The following TGM2 variants were observed in gnomAD, a reference collection of about 807,000 sequenced individuals.
TGM2 encodes protein-glutamine gamma-glutamyltransferase 2.
In TGM2, 53 loss-of-function variants were observed where a neutral mutation model predicts 75.6. The ratio of observed to expected loss-of-function variants is 0.70; its 90% CI spans 0.56 to 0.88. The LOEUF (loss-of-function observed/expected upper bound fraction) is 0.88. TGM2 is among the 40% of genes least tolerant of loss of function. TGM2 has a pLI of 0.00. For synonymous variants in TGM2, 374 were observed against 381.1 expected (o/e 0.98, Z 0.22); for missense variants, 842 against 928.5 (o/e 0.91, Z 1.21).
In TGM2 at chr20:38,138,393, G is replaced by A. The variant is rs369440407; in HGVS notation, c.1343-8C>T. 2.0e-5 allele frequency: 33 copies of A among 1,613,674 alleles called. No individual in the cohort carries two copies. Among genetic ancestry groups the A allele is most frequent in the Non-Finnish European group, 2.7e-5 (32 of 1,180,028 alleles). On this transcript the variant is annotated splice_polypyrimidine_tract_variant and splice_region_variant and intron_variant, in intron 9 of 12. Coordinates refer to ENST00000361475, the MANE Select transcript of TGM2 (RefSeq NM_004613.4). ...CCCTCTCCTCTGAGGACCCTGTAGGGGTTGAGAAGAGAGCCTCAATCACAG... is the reference window on the plus strand; with the variant it reads ...CCCTCTCCTCTGAGGACCCTGTAGGAGTTGAGAAGAGAGCCTCAATCACAG...
chr20:38,132,294 C>T lies in TGM2; in HGVS notation c.1776+46G>A, dbSNP rs538142291. ...GGGTAGGGATCTGCCCTCTCCCCAG[C>T]GCTGAGCTGCCCTGGGACCCTGCCC... On this transcript the variant is annotated intron_variant, in intron 11 of 12. Coordinates refer to ENST00000361475, the MANE Select transcript of TGM2 (RefSeq NM_004613.4). 4.3e-5 allele frequency: 70 copies of T among 1,610,224 alleles called. No homozygotes were observed. In the Middle Eastern group the frequency reaches 8.5e-4, roughly 20 times the overall value.
intron 6 of TGM2, among the ~76,000 whole-genome samples, chr20:38,143,918 T>C (rs967407993): frequency 6.6e-6 from 1 of 152,098 alleles, no homozygotes. Flanking sequence ...AGGAGATTTG[T>C]AGGAGCTTCG....
rs368689999 is a variant in TGM2 at position 38,141,302 on chromosome 20, G to A, written c.1079C>T (p.Thr360Met). The A allele has an allele frequency of 5.7e-6, 9 of 1,581,820 alleles. No individual in the cohort carries two copies. Among genetic ancestry groups the A allele is most frequent in the Middle Eastern group, 1.7e-4 (1 of 6,044 alleles). The change falls in exon 8 of 13, where the codon ACG (threonine) becomes ATG (methionine). Residue 360 changes from threonine (T) to methionine (M), a missense_variant. Thr to Met is a moderately conservative substitution (Grantham distance 81). Coordinates refer to ENST00000361475, the MANE Select transcript of TGM2 (RefSeq NM_004613.4). ...CGCACCTTCGCTCTTCTCCTGGGGC[G>A]TTGGGTCCAGGGCCTGCCAGCCCTC... ...GYEGWQALDP[T>M]PQEKSEGTYC... is the part of the protein sequence containing the mutation.
Position 38,127,810 on chromosome 20 carries a change from A to G in TGM2, c.*2409T>C, listed in dbSNP as rs2074781887. ...ACCTATGGCTTTTTTACTGTTTTCA[A>G]TGTGGTCACTAGAAAATTCTAAATT... On this transcript the variant is annotated 3_prime_UTR_variant, in exon 13 of 13. Coordinates refer to ENST00000361475, the MANE Select transcript of TGM2 (RefSeq NM_004613.4). 1 of 152,230 alleles carries G rather than the reference A, an allele frequency of 6.6e-6. No homozygotes were observed. Among genetic ancestry groups the G allele is most frequent in the Admixed American group, 6.5e-5 (1 of 15,286 alleles). The allele number at this position is 152,230 out of a possible 1,614,324, so 9.4% of individuals were successfully genotyped here.
Position 38,141,088 on chromosome 20 carries a change from A to T in TGM2, c.1099+194T>A, listed in dbSNP as rs74931416. 5.0e-3 allele frequency among the ~76,000 whole-genome samples: 762 copies of T among 152,270 alleles called. 2 individuals carry two copies. The highest frequency in any genetic ancestry group is 0.018 in the African/African-American group (731 of 41,540). On this transcript the variant is annotated intron_variant, in intron 8 of 12. Transcript: ENST00000361475. Reference sequence around the variant, plus strand: ...CTTCTCTGTATTTCCTGCTTTCCGCAATGCACGTGAATTATTTTTGAGATT... The same window carrying T: ...CTTCTCTGTATTTCCTGCTTTCCGCTATGCACGTGAATTATTTTTGAGATT...
chr20:38,153,038 C>CG (rs45518636), intron 3 of TGM2, among the ~76,000 whole-genome samples: 1,795 of 84,906 alleles, frequency 0.021, 25 homozygotes, highest in African/African-American at 0.027. Context: ...ACCTATGGGG[C>CG]GGGGGGGGGG....
In TGM2 at chr20:38,142,168, G is replaced by A. The variant is rs1192540997; in HGVS notation, c.891C>T (p.Val297=). 20 of 1,614,168 alleles carry A rather than the reference G, an allele frequency of 1.2e-5. No homozygotes were observed. The highest frequency in any genetic ancestry group is 2.2e-5 in the East Asian group (1 of 44,886). ...CATGGGCCGAGTTGTAGTTGGTCAC[G>A]ACGCGGGTAGGGATGCCCAGGCACC... ...VLRCLGIPTR[V]VTNYNSAHDQ... is the part of the protein sequence containing the mutation. Residue 297 remains valine (V), a synonymous_variant, in exon 7 of 13, where the codon GTC becomes GTT. Coordinates refer to ENST00000361475, the MANE Select transcript of TGM2 (RefSeq NM_004613.4).
Position 38,139,446 on chromosome 20 carries a change from C to A in TGM2, c.1308G>T (p.Arg436=). The change falls in exon 9 of 13, where the codon CGG becomes CGT. Residue 436 remains arginine, a synonymous_variant. Coordinates refer to ENST00000361475, the MANE Select transcript of TGM2 (RefSeq NM_004613.4). ...ATTTGTAGGTGTGGGTGATATCCTCCCGCTCGTCTCGGCCCACGCTCTTAG... is the reference window on the plus strand; with the variant it reads ...ATTTGTAGGTGTGGGTGATATCCTCACGCTCGTCTCGGCCCACGCTCTTAG... ...ISTKSVGRDE[R]EDITHTYKYP... 6.2e-7 allele frequency: 1 copy of A among 1,614,180 alleles called. No individual in the cohort carries two copies. The highest frequency in any genetic ancestry group is 2.2e-5 in the East Asian group (1 of 44,888).
upstream of TGM2, among the ~76,000 whole-genome samples, chr20:38,166,199 T>C (rs758701152): frequency 7.1e-6 from 1 of 140,548 alleles, no homozygotes; most frequent in Non-Finnish European, 1.6e-5. Context: ...CATCCTTGTA[T>C]CTGTCTAATC....
At chr20:38,152,836 G>A (rs939400188) in intron 3 of TGM2, among the ~76,000 whole-genome samples, 8 of 152,200 alleles carry the variant, frequency 5.3e-5, no homozygotes, top group Non-Finnish European at 7.3e-5. Flanking sequence ...TTGGCTGACC[G>A]CCACTCCAAC....
Position 38,146,827 on chromosome 20 carries a change from CT to C in TGM2, c.748del (p.Ser250AlafsTer39). 1 of 1,614,162 alleles carries C rather than the reference CT, an allele frequency of 6.2e-7. No homozygotes were observed. Among genetic ancestry groups the C allele is most frequent in the East Asian group, 2.2e-5 (1 of 44,880 alleles). On this transcript the variant is annotated frameshift_variant, in exon 6 of 13. Coordinates refer to ENST00000361475, the MANE Select transcript of TGM2 (RefSeq NM_004613.4). LOFTEE classifies it high-confidence loss of function. Reference protein sequence around the residue: ...RWDNNYGDGVSPMSWIGSVDI... With the variant: ...RWDNNYGDGVXPMSWIGSVDI... ...CACGCTGCCGATCCAGGACATGGGGCTGACGCCGTCCCCGTAGTTGTTGTCC... is the reference window on the plus strand; with the variant it reads ...CACGCTGCCGATCCAGGACATGGGGCGACGCCGTCCCCGTAGTTGTTGTCC...
intron 12 of TGM2, among the ~76,000 whole-genome samples, chr20:38,130,724 T>C (rs553787720): frequency 1.3e-5 from 2 of 152,366 alleles, no homozygotes; most frequent in South Asian, 4.1e-4. Context: ...TGTGCTCGTA[T>C]GTATGTGTGC....
chr20:38,131,093 A>G lies in TGM2; in HGVS notation c.1913T>C (p.Ile638Thr), dbSNP rs1320066675. 1 of 1,611,978 alleles carries G rather than the reference A, an allele frequency of 6.2e-7. No individual in the cohort carries two copies. Among genetic ancestry groups the G allele is most frequent in the Non-Finnish European group, 8.5e-7 (1 of 1,179,884 alleles). Residue 638 changes from isoleucine (I) to threonine (T), a missense_variant and splice_region_variant, in exon 12 of 13, where the codon ATC (isoleucine) becomes ACC (threonine). Physicochemically the swap from Ile to Thr is moderately conservative, Grantham distance 89 (BLOSUM62 -1). Coordinates refer to ENST00000361475, the MANE Select transcript of TGM2 (RefSeq NM_004613.4). ...CAAAGCTAGAGCAGCCAGCACTTAC[A>G]TCTCCACCGTCTTCTGCTCCTCAGT... ...GLTEEQKTVE[I>T]PDPVEAGEEV...
intron 4 of TGM2, among the ~76,000 whole-genome samples, chr20:38,149,434 T>C (rs2075087126): frequency 6.6e-6 from 1 of 151,840 alleles, no homozygotes; most frequent in Non-Finnish European, 1.5e-5. Flanking sequence ...TCCCAGCACT[T>C]TGGGAGGCTG....
rs540177678 is a variant in TGM2 at position 38,150,661 on chromosome 20, C to A, written c.552+278G>T. Among the ~76,000 whole-genome samples the A allele has an allele frequency of 2.0e-3, 311 of 152,326 alleles. 1 individual carries two copies. The highest frequency in any genetic ancestry group is 4.1e-4 in the South Asian group (2 of 4,828). On this transcript the variant is annotated intron_variant, in intron 4 of 12. Coordinates refer to ENST00000361475, the MANE Select transcript of TGM2 (RefSeq NM_004613.4). ...TACATGAGCTTTACTGTTCCCTCTT[C>A]CCCCTCCCAGGATACCAACCAGCTT...
chr20:38,137,215 T>C (rs1219155375), intron 10 of TGM2, among the ~76,000 whole-genome samples: 2 of 152,214 alleles, frequency 1.3e-5, no homozygotes, highest in Non-Finnish European at 2.9e-5. Context: ...CCAGGTGCGG[T>C]GGCTCACACC....
chr20:38,141,518 C>T, intron 7 of TGM2, 133 bp from the exon 8 acceptor site: 1 of 736,788 alleles, frequency 1.4e-6, no homozygotes, highest in South Asian at 1.6e-5. Flanking sequence ...GGGTGTCTCC[C>T]CACTGCCTTG....
chr20:38,149,387 G>A (rs1274398751), intron 4 of TGM2, among the ~76,000 whole-genome samples: 1 of 152,108 alleles, frequency 6.6e-6, no homozygotes, highest in Non-Finnish European at 1.5e-5. Context: ...TACAAAACAA[G>A]ACCCTGTGGG....
In TGM2 at chr20:38,161,555, G is replaced by A. The variant is rs780078049; in HGVS notation, c.55C>T (p.Arg19Ter). ...RCDLELETNG[R>*]DHHTADLCRE... The stretch of plus-strand genomic sequence containing the variant: ...CACAGGTCGGCCGTGTGGTGGTCTC[G>A]GCCATTGGTCTCCAGCTCCAGATCA... The change falls in exon 2 of 13, where the codon CGA (arginine) becomes TGA (stop). Residue 19 changes from arginine (R) to a stop codon, truncating the protein, a stop_gained. Coordinates refer to ENST00000361475, the MANE Select transcript of TGM2 (RefSeq NM_004613.4). LOFTEE classifies it high-confidence loss of function. 2.3e-5 allele frequency: 37 copies of A among 1,614,064 alleles called. No homozygotes were observed. The highest frequency in any genetic ancestry group is 2.7e-5 in the Non-Finnish European group (32 of 1,180,044).
Sources: gnomAD v4.1 joint callset for allele counts (sites outside exome capture counted in the v4.1 genomes callset) on GRCh38, gnomAD v4.1.1 for gene constraint, MANE v1.5 for transcripts, NCBI Gene and HGNC (gene_info 2026-07-23, HGNC 2026-07-21) for gene names.